EPB41L3: variants seen among roughly 807,000 people sequenced by gnomAD.
The protein encoded by EPB41L3 is erythrocyte membrane protein band 4.1 like 3.
EPB41L3 carries 57 observed loss-of-function variants against 127.1 expected under a neutral mutation model. The ratio of observed to expected loss-of-function variants is 0.45; its 90% CI spans 0.36 to 0.56. EPB41L3 has a LOEUF of 0.56. Ranked by LOEUF, EPB41L3 falls within the 20% of genes least tolerant of loss-of-function variation. The probability of loss-of-function intolerance (pLI) is 0.00; values close to 1 mark genes in which losing one functional copy is unlikely to be tolerated. For missense variants in EPB41L3, 1,273 were observed against 1,372.2 expected (o/e 0.93, Z 1.14); for synonymous variants, 572 against 549.5 (o/e 1.04, Z -0.57).
chr18:5,437,734 T>C (rs1051561711), intron 6 of EPB41L3, among the ~76,000 whole-genome samples: 10 of 152,212 alleles, frequency 6.6e-5, no homozygotes, highest in African/African-American at 1.2e-4. Flanking sequence ...TGCTATATCA[T>C]ACAAGGCTGA....
intron 3 of EPB41L3, 75 bp downstream of exon 3, chr18:5,478,166 C>T: frequency 2.3e-6 from 3 of 1,294,858 alleles, no homozygotes; most frequent in Non-Finnish European, 3.3e-6. Context: ...AATAAAGAGG[C>T]ATCTTGTATA....
At position 5,543,288 on chromosome 18, in the gene EPB41L3, CG is replaced by C. The variant is rs2093795802; in HGVS notation, c.-12+624del. On this transcript the variant is annotated intron_variant, in intron 1 of 22. Transcript: ENST00000341928. The surrounding 1 kb of genome is among the most constrained non-coding windows in gnomAD (Gnocchi z 5.2). ...AAAAGCGGCCGGCCCCCCTGCCCAG[CG>C]GGGATGCTTTGTGCGGAGCGCACCT... 6.6e-6 allele frequency: 1 copy of C among 150,708 alleles called. No individual in the cohort carries two copies. Among genetic ancestry groups the C allele is most frequent in the Admixed American group, 6.6e-5 (1 of 15,130 alleles). 9.3% of individuals were successfully genotyped at this position (150,708 alleles called of 1,614,324 possible). A position where few individuals can be genotyped will look rare whatever the true frequency, so the allele number is the denominator to read the frequency against.
intron 3 of EPB41L3, among the ~76,000 whole-genome samples, chr18:5,470,217 G>A (rs1298724108): frequency 1.3e-5 from 2 of 152,184 alleles, no homozygotes; most frequent in East Asian, 1.9e-4. Context: ...AAACAAAGCA[G>A]GAGAAAAGGT....
Position 5,478,320 on chromosome 18 carries a change from A to G in EPB41L3, c.302T>C (p.Leu101Ser), listed in dbSNP as rs1568352698. The G allele has an allele frequency of 6.2e-7, 1 of 1,614,104 alleles. No individual in the cohort carries two copies. The highest frequency in any genetic ancestry group is 1.3e-5 in the African/African-American group (1 of 75,034). ...GCTTTTAGGCTTTTTGACAATCTTT[A>G]ATGGAGACCGAGAGAGTTTACTGCT... is the stretch of plus-strand genomic sequence containing the variant. Reference protein sequence around the residue: ...SSSSKLSRSPLKIVKKPKSMQ... With the variant: ...SSSSKLSRSPSKIVKKPKSMQ... The change falls in exon 3 of 23, where the codon TTA (leucine) becomes TCA (serine). Residue 101 changes from leucine to serine, a missense_variant. This residue lies in a region of EPB41L3 where 182 missense variants were observed against 149.2 expected (regional missense o/e 1.22). Transcript: ENST00000341928.
intron 16 of EPB41L3, chr18:5,399,313 T>C (rs746646253): frequency 1.8e-5 from 7 of 398,930 alleles, no homozygotes; most frequent in South Asian, 2.5e-4. Flanking sequence ...ACCTTGTAAG[T>C]CACAATCTTT....
At chr18:5,494,214 A>G (rs557273912) in intron 1 of EPB41L3, among the ~76,000 whole-genome samples, 28 of 151,912 alleles carry the variant, frequency 1.8e-4, no homozygotes, top group African/African-American at 5.8e-4. Context: ...CAACCCCCCA[A>G]TCTGCTTGAC....
intron 1 of EPB41L3, chr18:5,539,779 G>A (rs557824760): frequency 6.6e-6 from 1 of 152,176 alleles, no homozygotes; most frequent in East Asian, 1.9e-4. Flanking sequence ...ACACTAATTT[G>A]GGTGAAATAT....
At chr18:5,458,226 A>G (rs1003039724) in intron 3 of EPB41L3, among the ~76,000 whole-genome samples, 7 of 152,190 alleles carry the variant, frequency 4.6e-5, no homozygotes, top group African/African-American at 1.7e-4. Flanking sequence ...TTCTTGTAAA[A>G]AGAGAATACT....
intron 3 of EPB41L3, among the ~76,000 whole-genome samples, chr18:5,462,129 C>G (rs571954287): frequency 6.6e-6 from 1 of 152,198 alleles, no homozygotes; most frequent in Non-Finnish European, 1.5e-5. Context: ...CCACTCTTCA[C>G]ATTTTTTAAT....
intron 6 of EPB41L3, among the ~76,000 whole-genome samples, chr18:5,435,110 A>G (rs1315984511): frequency 1.3e-5 from 2 of 152,266 alleles, no homozygotes; most frequent in Non-Finnish European, 2.9e-5. Context: ...AACTCACAGA[A>G]TAAGGATATA....
intron 1 of EPB41L3, among the ~76,000 whole-genome samples, chr18:5,531,118 A>G (rs577830763): frequency 3.8e-4 from 58 of 152,272 alleles, no homozygotes; most frequent in Middle Eastern, 6.8e-3. Flanking sequence ...CAATTACACC[A>G]TTTGATCTTC....
intron 1 of EPB41L3, among the ~76,000 whole-genome samples, chr18:5,509,266 C>A (rs1292316889): frequency 1.3e-5 from 2 of 152,212 alleles, no homozygotes; most frequent in Non-Finnish European, 2.9e-5. Flanking sequence ...AAACAACACC[C>A]TCTCAACCTT....
chr18:5,537,725 T>TTCTGGAATGTCCTA (rs1287041968), intron 1 of EPB41L3, among the ~76,000 whole-genome samples: 8 of 152,168 alleles, frequency 5.3e-5, no homozygotes, highest in African/African-American at 1.9e-4. Flanking sequence ...GTCTCTTGAC[T>TTCTGGAATGTCCTA]TCTGGAATGT....
At chr18:5,569,845 C>T (rs2094254572) in intron 3 of EPB41L3, among the ~76,000 whole-genome samples, 1 of 152,128 alleles carries the variant, frequency 6.6e-6, no homozygotes, top group Non-Finnish European at 1.5e-5. Context: ...GTTACTCTAG[C>T]TCGATGAACT....
intron 3 of EPB41L3, among the ~76,000 whole-genome samples, chr18:5,549,530 T>C (rs966769359): frequency 3.9e-5 from 6 of 152,224 alleles, no homozygotes; most frequent in African/African-American, 1.4e-4. Flanking sequence ...CAAACTGGCT[T>C]ATTTGTGAAC....
intron 1 of EPB41L3, among the ~76,000 whole-genome samples, chr18:5,624,642 C>A (rs2144294223): frequency 6.6e-6 from 1 of 152,288 alleles, no homozygotes; most frequent in Non-Finnish European, 1.5e-5. Context: ...GGGATTGGAA[C>A]AACATTCTTC....
At chr18:5,459,960 T>C (rs1451227415) in intron 3 of EPB41L3, among the ~76,000 whole-genome samples, 1 of 152,212 alleles carries the variant, frequency 6.6e-6, no homozygotes, top group Non-Finnish European at 1.5e-5. Flanking sequence ...TATTGGGATA[T>C]TGCATGATGC....
chr18:5,500,251 C>T (rs1247868105), intron 1 of EPB41L3, among the ~76,000 whole-genome samples: 1 of 152,094 alleles, frequency 6.6e-6, no homozygotes, highest in Non-Finnish European at 1.5e-5. Context: ...TATTCTTCGC[C>T]AATTCTATTC....
chr18:5,415,558 G>C (rs2076693678), intron 13 of EPB41L3, among the ~76,000 whole-genome samples: 1 of 152,156 alleles, frequency 6.6e-6, no homozygotes, highest in African/African-American at 2.4e-5. Flanking sequence ...TTGACTTCTG[G>C]CTGAGTCTTT....
Sources: gnomAD v4.1 joint callset for allele counts (sites outside exome capture counted in the v4.1 genomes callset) on GRCh38, gnomAD v4.1.1 for gene constraint, gnomAD v4.1.1 regional missense constraint, Gnocchi (gnomAD v3.1) non-coding constraint, MANE v1.5 for transcripts, NCBI Gene and HGNC (gene_info 2026-07-23, HGNC 2026-07-21) for gene names.